SAMD13: variants seen among roughly 807,000 people sequenced by gnomAD.
The protein encoded by SAMD13 is sterile alpha motif domain containing 13.
Under a neutral mutation model 12.4 loss-of-function variants are expected in SAMD13, and 9 were observed. The observed-to-expected ratio is 0.72, with a 90% CI of 0.44 to 1.26. The LOEUF (loss-of-function observed/expected upper bound fraction) is 1.26, where lower values mean the gene tolerates loss of function less well. Ranked by LOEUF, SAMD13 falls within the 50% of genes most tolerant of loss-of-function variation. The probability of loss-of-function intolerance (pLI) is 0.00; values close to 1 mark genes in which losing one functional copy is unlikely to be tolerated. For missense variants in SAMD13, 84 were observed against 119.6 expected, an observed-to-expected ratio of 0.70 and a Z score of 1.39; for synonymous variants, 46 against 45.4, an observed-to-expected ratio of 1.01 and a Z score of -0.05.
chr1:84,342,789 G>C (rs1441967424), intron 3 of SAMD13, among the ~76,000 whole-genome samples: 1 of 152,130 alleles, frequency 6.6e-6, no homozygotes, highest in Admixed American at 6.5e-5. Flanking sequence ...TCAGGACATA[G>C]GCATGGACAA....
intron 2 of SAMD13, among the ~76,000 whole-genome samples, chr1:84,316,672 T>C (rs1047423138): frequency 1.3e-5 from 2 of 152,160 alleles, no homozygotes; most frequent in Admixed American, 6.5e-5. Flanking sequence ...AACACTGTTC[T>C]TTTTCAAATT....
intron 2 of SAMD13, 33 bp from the exon 3 acceptor site, chr1:84,325,604 G>A: frequency 7.5e-7 from 1 of 1,333,418 alleles, no homozygotes; most frequent in Non-Finnish European, 1.1e-6. Flanking sequence ...TGCAGGCACT[G>A]CCATGACAAC....
Position 84,349,526 on chromosome 1 carries a change from C to T in SAMD13, c.166-105C>T, listed in dbSNP as rs1570269273. On this transcript the variant is annotated intron_variant, in intron 3 of 3. Coordinates refer to ENST00000394834, the MANE Select transcript of SAMD13 (RefSeq NM_001134663.2). ...ACTACTACAAATGTAATGTTTTTAG[C>T]TTGGGCACAAGTGGTGTGACTTTTA... 6.0e-6 allele frequency: 9 copies of T among 1,494,604 alleles called. No individual in the cohort carries two copies. The East Asian group carries it at 2.1e-4, about 34-fold the overall frequency. 92.6% of individuals were successfully genotyped at this position (1,494,604 alleles called of 1,614,324 possible). A position where few individuals can be genotyped will look rare whatever the true frequency, so the allele number is the denominator to read the frequency against.
intron 2 of SAMD13, among the ~76,000 whole-genome samples, chr1:84,309,254 C>T (rs1442130525): frequency 1.3e-5 from 2 of 152,088 alleles, no homozygotes; most frequent in Non-Finnish European, 2.9e-5. Flanking sequence ...TATAACTATC[C>T]TCACTCAGTC....
intron 2 of SAMD13, among the ~76,000 whole-genome samples, chr1:84,313,178 T>C (rs561325949): frequency 1.3e-5 from 2 of 152,292 alleles, no homozygotes; most frequent in Admixed American, 1.3e-4. Flanking sequence ...ATACATATAT[T>C]CACATGCATT....
chr1:84,299,656 T>C (rs1393893000), upstream of SAMD13: 1 of 1,017,532 alleles, frequency 9.8e-7, no homozygotes, highest in Admixed American at 3.6e-5. Context: ...TGAGTACTAG[T>C]GTATATATAT....
intron 3 of SAMD13, among the ~76,000 whole-genome samples, chr1:84,343,893 TGAA>T (rs1349417402): frequency 1.3e-5 from 2 of 152,266 alleles, no homozygotes; most frequent in Non-Finnish European, 2.9e-5. Flanking sequence ...TTTAATCAGC[TGAA>T]GAAGACTTAT....
chr1:84,338,928 A>G (rs1201208110), intron 3 of SAMD13, among the ~76,000 whole-genome samples: 2 of 152,172 alleles, frequency 1.3e-5, no homozygotes, highest in South Asian at 2.1e-4. Context: ...AGCTCTGAGA[A>G]TCTTTCCTCA....
chr1:84,318,762 T>A (rs1433979666), intron 2 of SAMD13, among the ~76,000 whole-genome samples: 1 of 152,192 alleles, frequency 6.6e-6, no homozygotes, highest in Non-Finnish European at 1.5e-5. Flanking sequence ...CCTTGATATG[T>A]TATAGTTATC....
At chr1:84,348,480 C>G (rs1262661228) in intron 3 of SAMD13, among the ~76,000 whole-genome samples, 1 of 151,916 alleles carries the variant, frequency 6.6e-6, no homozygotes, top group Non-Finnish European at 1.5e-5. Flanking sequence ...TAACCATGCA[C>G]AGAAATGTCG....
At position 84,349,819 on chromosome 1, in the gene SAMD13, A is replaced by G. The variant is rs752594081; in HGVS notation, c.*45A>G. On this transcript the variant is annotated 3_prime_UTR_variant, in exon 4 of 4. Coordinates refer to ENST00000394834, the MANE Select transcript of SAMD13 (RefSeq NM_001134663.2). ...TCGACCTCAAAAAATACATAATGACATAATTTAGTTTCATGTAATGAAACT... is the reference window on the plus strand; with the variant it reads ...TCGACCTCAAAAAATACATAATGACGTAATTTAGTTTCATGTAATGAAACT... 2.5e-6 allele frequency: 4 copies of G among 1,577,378 alleles called. No homozygotes were observed. Among genetic ancestry groups the G allele is most frequent in the Non-Finnish European group, 3.4e-6 (4 of 1,162,848 alleles).
chr1:84,302,905 C>A, intron 1 of SAMD13: 1 of 248,358 alleles, frequency 4.0e-6, no homozygotes, highest in East Asian at 8.5e-5. Context: ...GCTAGGCACC[C>A]AGAAGAAGCT....
rs113955746 is a variant in SAMD13 at position 84,344,653 on chromosome 1, G to C, written c.166-4978G>C. On this transcript the variant is annotated intron_variant, in intron 3 of 3. Transcript: ENST00000394834. ...TCTTCCAAAAATAAACCCTGTCTTG[G>C]TGGGGAAAGGCTGTTTAAAGAAACA... The C allele has an allele frequency of 3.9e-3, 1,190 of 303,976 alleles. 5 individuals carry two copies. The highest frequency in any genetic ancestry group is 9.5e-3 in the Middle Eastern group (12 of 1,264). 18.8% of individuals were successfully genotyped at this position (303,976 alleles called of 1,614,324 possible).
chr1:84,317,871 T>A (rs316664), intron 2 of SAMD13, among the ~76,000 whole-genome samples: 123,670 of 151,944 alleles, frequency 0.81, 51,631 homozygotes, highest in Non-Finnish European at 0.92. Flanking sequence ...ATCTCCTTAC[T>A]AGACAGGTCT....
intron 2 of SAMD13, 41 bp from the exon 3 acceptor site, chr1:84,325,596 C>A: frequency 1.6e-6 from 2 of 1,225,642 alleles, no homozygotes; most frequent in Non-Finnish European, 2.4e-6. Flanking sequence ...CACCCTTGTG[C>A]AGGCACTGCC....
At chr1:84,317,154 G>A (rs1678851252) in intron 2 of SAMD13, among the ~76,000 whole-genome samples, 1 of 151,936 alleles carries the variant, frequency 6.6e-6, no homozygotes, top group Non-Finnish European at 1.5e-5. Flanking sequence ...GTAAATGTAA[G>A]GACAGTTTTA....
At chr1:84,345,287 G>A (rs1421088302) in intron 3 of SAMD13, 19 of 449,066 alleles carry the variant, frequency 4.2e-5, no homozygotes. Context: ...AGAAGTTGCT[G>A]CTGTGTTCTT....
At chr1:84,321,629 A>C (rs316662) in intron 2 of SAMD13, among the ~76,000 whole-genome samples, 134,103 of 152,124 alleles carry the variant, frequency 0.88, 60,349 homozygotes, top group Non-Finnish European at 0.99. Context: ...AGATGTGGCG[A>C]GAATGGACCA....
chr1:84,323,948 A>G (rs1025062518), intron 2 of SAMD13, among the ~76,000 whole-genome samples: 2 of 152,148 alleles, frequency 1.3e-5, no homozygotes. Context: ...GGATATAGAC[A>G]GTACACCAAA....
Sources: allele counts gnomAD v4.1 joint callset (sites outside exome capture counted in the v4.1 genomes callset), GRCh38; gene constraint gnomAD v4.1.1; transcripts MANE v1.5; gene names NCBI Gene and HGNC (gene_info 2026-07-23, HGNC 2026-07-21).